Variants in CAMKMT observed in about 807,000 individuals in gnomAD.
CAMKMT encodes CaM KMT.
Under a neutral mutation model 48.0 loss-of-function variants are expected in CAMKMT, and 53 were observed. That is an observed-to-expected ratio of 1.10 (90% CI 0.89 to 1.39). CAMKMT has a LOEUF of 1.39. CAMKMT is among the 40% of genes most tolerant of loss of function. The pLI is 0.00. For synonymous variants in CAMKMT, 165 were observed against 152.3 expected, an observed-to-expected ratio of 1.08 and a Z score of -0.61; for missense variants, 428 against 402.7, an observed-to-expected ratio of 1.06 and a Z score of -0.54.
At chr2:44,723,158 G>C (rs937921410) in intron 7 of CAMKMT, among the ~76,000 whole-genome samples, 1 of 152,162 alleles carries the variant, frequency 6.6e-6, no homozygotes. Flanking sequence ...CACCCTGAGA[G>C]ACTGAGGCAG....
chr2:44,521,287 T>A (rs529786699), intron 3 of CAMKMT, among the ~76,000 whole-genome samples: 70 of 151,056 alleles, frequency 4.6e-4, no homozygotes, highest in African/African-American at 1.5e-3. Context: ...ATCCCAATAT[T>A]TTTTTTTTAA....
At chr2:44,586,178 G>T (rs1669847893) in intron 3 of CAMKMT, among the ~76,000 whole-genome samples, 1 of 152,170 alleles carries the variant, frequency 6.6e-6, no homozygotes, top group South Asian at 2.1e-4. Context: ...TAAAGGCTTG[G>T]TTTAGTTTAA....
intron 3 of CAMKMT, among the ~76,000 whole-genome samples, chr2:44,702,993 G>A (rs1395364226): frequency 6.6e-6 from 1 of 152,150 alleles, no homozygotes; most frequent in African/African-American, 2.4e-5. Context: ...AAGACCATCA[G>A]CAGAGTGCTT....
At chr2:44,528,022 TC>T (rs1189344610) in intron 3 of CAMKMT, among the ~76,000 whole-genome samples, 2 of 152,154 alleles carry the variant, frequency 1.3e-5, no homozygotes, top group Admixed American at 6.5e-5. Flanking sequence ...TCCTTGTAGT[TC>T]TTTTAAAAAC....
At chr2:44,521,114 T>C (rs181078897) in intron 3 of CAMKMT, among the ~76,000 whole-genome samples, 1 of 152,182 alleles carries the variant, frequency 6.6e-6, no homozygotes, top group Non-Finnish European at 1.5e-5. Flanking sequence ...CTCCACAAGG[T>C]TGATACTGAA....
chr2:44,462,538 C>T (rs1445937505), intron 3 of CAMKMT, among the ~76,000 whole-genome samples: 2 of 151,654 alleles, frequency 1.3e-5, no homozygotes, highest in Admixed American at 6.6e-5. Context: ...ATCTAAATTC[C>T]TTTTTTTGCT....
intron 3 of CAMKMT, among the ~76,000 whole-genome samples, chr2:44,590,435 T>C (rs1004907986): frequency 1.2e-4 from 18 of 152,254 alleles, no homozygotes; most frequent in African/African-American, 4.3e-4. Flanking sequence ...TCTGACTTTT[T>C]AATGATTGCC....
intron 3 of CAMKMT, among the ~76,000 whole-genome samples, chr2:44,575,998 G>C (rs1190402066): frequency 6.6e-6 from 1 of 151,966 alleles, no homozygotes. Context: ...TGGTGAAACT[G>C]GTCTCAGAGA....
At chr2:44,455,183 T>C (rs529895342) in intron 3 of CAMKMT, among the ~76,000 whole-genome samples, 4 of 152,018 alleles carry the variant, frequency 2.6e-5, no homozygotes, top group African/African-American at 9.6e-5. Context: ...TGGTTATTTG[T>C]GAGGAGGAAA....
At chr2:44,488,071 T>G (rs1669295672) in intron 3 of CAMKMT, among the ~76,000 whole-genome samples, 1 of 152,262 alleles carries the variant, frequency 6.6e-6, no homozygotes, top group African/African-American at 2.4e-5. Context: ...AGATATAGTT[T>G]AGACTTATGA....
chr2:44,628,784 T>A lies in CAMKMT; in HGVS notation c.377-75499T>A, dbSNP rs538525711. Among the ~76,000 whole-genome samples the A allele has an allele frequency of 3.2e-4, 49 of 152,340 alleles. No homozygotes were observed. The South Asian group carries it at 6.6e-3, about 21-fold the overall frequency. ...TTTATTCTTTGACCTATACATTTTTTAAACAGTATATTGTTTAATTGCCAA... is the reference window on the plus strand; with the variant it reads ...TTTATTCTTTGACCTATACATTTTTAAAACAGTATATTGTTTAATTGCCAA... On this transcript the variant is annotated intron_variant, in intron 3 of 10. Coordinates refer to ENST00000378494, the MANE Select transcript of CAMKMT (RefSeq NM_024766.5).
chr2:44,389,798 A>G (rs1681146278), intron 2 of CAMKMT, among the ~76,000 whole-genome samples: 1 of 152,128 alleles, frequency 6.6e-6, no homozygotes, highest in Non-Finnish European at 1.5e-5. Context: ...GGAATAGCAG[A>G]CCTGAAGATT....
intron 3 of CAMKMT, among the ~76,000 whole-genome samples, chr2:44,452,773 A>G (rs1667358157): frequency 6.6e-6 from 1 of 152,060 alleles, no homozygotes; most frequent in African/African-American, 2.4e-5. Flanking sequence ...AAAATTTTAC[A>G]AATGATTAAC....
chr2:44,619,010 G>A lies in CAMKMT; in HGVS notation c.377-85273G>A, dbSNP rs1217947010. Among the ~76,000 whole-genome samples, 4 of 152,148 alleles carry A rather than the reference G, an allele frequency of 2.6e-5. No homozygotes were observed. In the South Asian group the frequency reaches 8.3e-4, roughly 32 times the overall value. On this transcript the variant is annotated intron_variant, in intron 3 of 10. Coordinates refer to ENST00000378494, the MANE Select transcript of CAMKMT (RefSeq NM_024766.5). ...TGGAAATCACTGGGGATTAGGAAGG[G>A]CACTATTGTTTTTATTCTGTGACCT...
chr2:44,383,081 C>T (rs562617382), intron 2 of CAMKMT, among the ~76,000 whole-genome samples: 61 of 152,024 alleles, frequency 4.0e-4, no homozygotes, highest in East Asian at 3.9e-4. Flanking sequence ...TTTCGGAGGC[C>T]ATTCCTCTGT....
chr2:44,560,012 T>G (rs1385602749), intron 3 of CAMKMT, among the ~76,000 whole-genome samples: 1 of 152,238 alleles, frequency 6.6e-6, no homozygotes, highest in African/African-American at 2.4e-5. Flanking sequence ...CAATTCAAGT[T>G]TTTATTCATC....
chr2:44,426,749 C>T (rs193098885), intron 3 of CAMKMT, among the ~76,000 whole-genome samples: 3 of 152,214 alleles, frequency 2.0e-5, no homozygotes, highest in Non-Finnish European at 4.4e-5. Flanking sequence ...CCATACTGCC[C>T]AAAGCAATTT....
At chr2:44,673,489 G>GGAAGGAAGGAAGGAAA (rs1483556404) in intron 3 of CAMKMT, among the ~76,000 whole-genome samples, 14 of 133,434 alleles carry the variant, frequency 1.0e-4, no homozygotes, top group Non-Finnish European at 1.6e-4. Flanking sequence ...AAGGAAGGAA[G>GGAAGGAAGGAAGGAAA]GAAGGAAGGA....
chr2:44,375,023 C>G (rs1356942297), intron 2 of CAMKMT, among the ~76,000 whole-genome samples: 2 of 152,020 alleles, frequency 1.3e-5, no homozygotes, highest in Non-Finnish European at 2.9e-5. Flanking sequence ...CCCAGGCACT[C>G]AGGAGGCTGA....
Sources: allele counts gnomAD v4.1 joint callset (sites outside exome capture counted in the v4.1 genomes callset), GRCh38; gene constraint gnomAD v4.1.1; transcripts MANE v1.5; gene names NCBI Gene and HGNC (gene_info 2026-07-23, HGNC 2026-07-21).